The following STARD13 variants were observed in gnomAD, a reference collection of about 807,000 sequenced individuals.
STARD13 encodes stAR-related lipid transfer protein 13.
A neutral mutation model predicts 106.4 loss-of-function variants in STARD13; 62 were observed. The observed-to-expected ratio is 0.58, with a 90% confidence interval of 0.48 to 0.72. The LOEUF (loss-of-function observed/expected upper bound fraction) is 0.72, where lower values mean the gene tolerates loss of function less well. Ranked by LOEUF, STARD13 falls within the 30% of genes least tolerant of loss-of-function variation. STARD13 has a pLI of 0.00. For missense variants in STARD13, 1,387 were observed against 1,424.0 expected, an observed-to-expected ratio of 0.97 and a Z score of 0.42; for synonymous variants, 565 against 553.0, an observed-to-expected ratio of 1.02 and a Z score of -0.31.
the STARD13 span, among the ~76,000 whole-genome samples, chr13:33,481,385 A>C: frequency 6.6e-6 from 1 of 152,210 alleles, no homozygotes; most frequent in Non-Finnish European, 1.5e-5. Flanking sequence ...ATGTCTCTTA[A>C]TGAAAGAAGG....
At chr13:33,486,280 A>G in the STARD13 span, among the ~76,000 whole-genome samples, 1 of 152,254 alleles carries the variant, frequency 6.6e-6, no homozygotes, top group East Asian at 1.9e-4. Flanking sequence ...GGGCAGCTGC[A>G]GAGTTGGAAG....
chr13:33,667,608 A>G, the STARD13 span, among the ~76,000 whole-genome samples: 7 of 152,260 alleles, frequency 4.6e-5, no homozygotes, highest in African/African-American at 9.6e-5. Flanking sequence ...GAGATGCACC[A>G]TTAGATAATG....
intron 3 of STARD13, among the ~76,000 whole-genome samples, chr13:33,143,154 T>G (rs1880062514): frequency 6.6e-6 from 1 of 152,210 alleles, no homozygotes; most frequent in East Asian, 1.9e-4. Context: ...AATAAATTTC[T>G]GTTGTTTAAG....
At chr13:33,346,817 T>G (rs1198990882), downstream of STARD13, among the ~76,000 whole-genome samples, 1 of 151,698 alleles carries the variant, frequency 6.6e-6, no homozygotes, top group Non-Finnish European at 1.5e-5. Flanking sequence ...TTTTTTTTTT[T>G]TAGTAGAGAT....
the STARD13 span, among the ~76,000 whole-genome samples, chr13:33,385,869 A>AC: frequency 6.6e-6 from 1 of 151,490 alleles, no homozygotes; most frequent in Non-Finnish European, 1.5e-5. Flanking sequence ...AAAAACAAAA[A>AC]AAAAAAAATT....
At chr13:33,302,082 G>A (rs1022699059) in intron 1 of STARD13, among the ~76,000 whole-genome samples, 1 of 152,098 alleles carries the variant, frequency 6.6e-6, no homozygotes, top group Admixed American at 6.5e-5. Flanking sequence ...TTGTACCCCT[G>A]ATAATAATTA....
At chr13:33,297,202 T>C (rs368594546) in intron 1 of STARD13, among the ~76,000 whole-genome samples, 1 of 152,258 alleles carries the variant, frequency 6.6e-6, no homozygotes, top group Non-Finnish European at 1.5e-5. Context: ...ATAATCACAC[T>C]GTGTCTTATA....
intron 1 of STARD13, among the ~76,000 whole-genome samples, chr13:33,267,448 C>T (rs530451650): frequency 3.9e-5 from 6 of 152,292 alleles, no homozygotes; most frequent in African/African-American, 1.2e-4. Flanking sequence ...TGCCTCCACT[C>T]TCCCCACACA....
chr13:33,177,748 AAAAAAGGAAGGAAGGAAGGAAAGGAAGG>A (rs1884672415), intron 1 of STARD13, among the ~76,000 whole-genome samples: 1 of 88,980 alleles, frequency 1.1e-5, no homozygotes, highest in African/African-American at 3.8e-5. Flanking sequence ...GGAAGGAAGG[AAAAAAGGAAGGAAGGAAGGAAAGGAAGG>A]AAGGAAGGAA....
intron 3 of STARD13, among the ~76,000 whole-genome samples, chr13:33,163,731 A>ATAACATATATATAT (rs1883009155): frequency 1.3e-5 from 1 of 78,504 alleles, no homozygotes; most frequent in African/African-American, 3.0e-5. Context: ...AACATATATA[A>ATAACATATATATAT]AACATATATA....
At chr13:33,118,679 T>C (rs1400084501) in intron 7 of STARD13, among the ~76,000 whole-genome samples, 1 of 152,142 alleles carries the variant, frequency 6.6e-6, no homozygotes, top group Non-Finnish European at 1.5e-5. Flanking sequence ...TACATTGCCA[T>C]GGGGATTTTG....
the STARD13 span, among the ~76,000 whole-genome samples, chr13:33,637,943 A>G: frequency 2.6e-5 from 4 of 152,228 alleles, no homozygotes; most frequent in Non-Finnish European, 5.9e-5. Context: ...AACTTTATTA[A>G]CAGGTTAAAA....
the STARD13 span, among the ~76,000 whole-genome samples, chr13:33,436,665 A>G: frequency 6.6e-6 from 1 of 152,224 alleles, no homozygotes; most frequent in African/African-American, 2.4e-5. Context: ...TTCTTTCATC[A>G]CTAGGCTGAG....
At chr13:33,500,999 T>C in the STARD13 span, among the ~76,000 whole-genome samples, 1 of 150,202 alleles carries the variant, frequency 6.7e-6, no homozygotes, top group African/African-American at 2.4e-5. Context: ...CGGAAAAATA[T>C]TTATGGTCTT....
Position 33,260,208 on chromosome 13 carries a change from T to G in STARD13, c.169+25262A>C, listed in dbSNP as rs185818937. Among the ~76,000 whole-genome samples, 293 of 152,324 alleles carry G rather than the reference T, an allele frequency of 1.9e-3. 1 individual carries two copies. Among genetic ancestry groups the G allele is most frequent in the African/African-American group, 6.8e-3 (283 of 41,564 alleles). Reference sequence around the variant, plus strand: ...CTAACTTTCCAGCTAGTGTTCTTCATGATTACATCACAGTACCTCCCACAT... The same window carrying G: ...CTAACTTTCCAGCTAGTGTTCTTCAGGATTACATCACAGTACCTCCCACAT... On this transcript the variant is annotated intron_variant, in intron 1 of 13. Coordinates refer to ENST00000336934, the MANE Select transcript of STARD13 (RefSeq NM_178006.4).
chr13:33,177,237 T>A (rs1019492342), intron 1 of STARD13, among the ~76,000 whole-genome samples: 5 of 152,346 alleles, frequency 3.3e-5, no homozygotes, highest in African/African-American at 1.2e-4. Flanking sequence ...TCATTTTCTG[T>A]AAGAATAGAT....
chr13:33,313,820 G>A (rs536973577), intron 1 of STARD13, among the ~76,000 whole-genome samples: 7 of 152,224 alleles, frequency 4.6e-5, no homozygotes, highest in African/African-American at 7.2e-5. Context: ...ATAGCTACCT[G>A]ACCTTTTTTG....
intron 1 of STARD13, among the ~76,000 whole-genome samples, chr13:33,178,972 A>G (rs1218910954): frequency 1.3e-5 from 2 of 152,220 alleles, no homozygotes; most frequent in Non-Finnish European, 2.9e-5. Flanking sequence ...ATTTACCAAA[A>G]GAGCAACTCT....
chr13:33,314,448 A>G (rs1893254298), intron 1 of STARD13, among the ~76,000 whole-genome samples: 1 of 152,240 alleles, frequency 6.6e-6, no homozygotes, highest in African/African-American at 2.4e-5. Context: ...TGTTATCAGG[A>G]TAAGGACTTT....
Sources: allele counts gnomAD v4.1 joint callset (sites outside exome capture counted in the v4.1 genomes callset), GRCh38; gene constraint gnomAD v4.1.1; transcripts MANE v1.5; gene names NCBI Gene and HGNC (gene_info 2026-07-23, HGNC 2026-07-21).